MAML3: variants seen among roughly 807,000 people sequenced by gnomAD.
The protein encoded by MAML3 is mastermind like transcriptional coactivator 3.
Under a neutral mutation model 101.9 loss-of-function variants are expected in MAML3, and 27 were observed. The observed-to-expected ratio is 0.27, with a 90% CI of 0.20 to 0.37. MAML3 has a LOEUF of 0.37. MAML3 is among the 10% of genes least tolerant of loss of function. The pLI is 1.00. For synonymous variants in MAML3, 501 were observed against 555.9 expected, an observed-to-expected ratio of 0.90 and a Z score of 1.39; for missense variants, 1,316 against 1,444.9, an observed-to-expected ratio of 0.91 and a Z score of 1.45.
intron 1 of MAML3, among the ~76,000 whole-genome samples, chr4:139,976,674 T>C (rs2110801419): frequency 6.6e-6 from 1 of 152,334 alleles, no homozygotes; most frequent in East Asian, 1.9e-4. Context: ...AAGTCCTACA[T>C]TTCTGCAAAT....
chr4:139,816,028 A>T (rs1283289636), intron 2 of MAML3, among the ~76,000 whole-genome samples: 1 of 152,212 alleles, frequency 6.6e-6, no homozygotes, highest in African/African-American at 2.4e-5. Flanking sequence ...TATAATTCTA[A>T]GACTGCCAAG....
At chr4:139,777,741 A>G (rs1215244457) in intron 2 of MAML3, among the ~76,000 whole-genome samples, 4 of 152,206 alleles carry the variant, frequency 2.6e-5, no homozygotes, top group African/African-American at 4.8e-5. Flanking sequence ...CCTGCTTAAC[A>G]CTATTCAAAG....
intron 3 of MAML3, among the ~76,000 whole-genome samples, chr4:139,728,457 CTT>C (rs1728566827): frequency 6.6e-6 from 1 of 152,340 alleles, no homozygotes; most frequent in African/African-American, 2.4e-5. Context: ...TTATGTGATC[CTT>C]AAAGCAGCTA....
At chr4:139,771,969 G>A (rs1317078934) in intron 2 of MAML3, among the ~76,000 whole-genome samples, 1 of 151,448 alleles carries the variant, frequency 6.6e-6, no homozygotes, top group African/African-American at 2.4e-5. Flanking sequence ...TCCGGGCGCG[G>A]TGGCTCACGC....
intron 2 of MAML3, among the ~76,000 whole-genome samples, chr4:139,817,342 C>T (rs1028812032): frequency 2.6e-5 from 4 of 152,026 alleles, no homozygotes; most frequent in African/African-American, 7.2e-5. Flanking sequence ...ATTTTTTTTC[C>T]GTGGCTTTCA....
At chr4:139,751,680 C>G (rs1368123563) in intron 2 of MAML3, among the ~76,000 whole-genome samples, 1 of 152,176 alleles carries the variant, frequency 6.6e-6, no homozygotes, top group Non-Finnish European at 1.5e-5. Flanking sequence ...GGGTGGTACA[C>G]AGATGGGTGG....
chr4:140,153,823 C>T lies in MAML3; in HGVS notation c.-496G>A, dbSNP rs979707698. The T allele has an allele frequency of 6.4e-6, 1 of 155,314 alleles. No individual in the cohort carries two copies. The highest frequency in any genetic ancestry group is 2.4e-5 in the African/African-American group (1 of 41,522). The allele number at this position is 155,314 out of a possible 1,614,324, so 9.6% of individuals were successfully genotyped here. Reference sequence around the variant, plus strand: ...GACACACACTCACTCCACACCGCATCGGAAAACGGCAAGCTTGCTTATTGC... The same window carrying T: ...GACACACACTCACTCCACACCGCATTGGAAAACGGCAAGCTTGCTTATTGC... On this transcript the variant is annotated 5_prime_UTR_variant, in exon 1 of 5. Coordinates refer to ENST00000509479, the MANE Select transcript of MAML3 (RefSeq NM_018717.5).
intron 1 of MAML3, among the ~76,000 whole-genome samples, chr4:140,009,295 T>C (rs2048385): frequency 0.77 from 117,148 of 152,122 alleles, 46,110 homozygotes; most frequent in East Asian, 0.94. Context: ...CCACAGGCCT[T>C]GTGCTGCACA....
chr4:139,943,885 TTTTG>T (rs1733654396), intron 1 of MAML3, among the ~76,000 whole-genome samples: 1 of 141,918 alleles, frequency 7.0e-6, no homozygotes, highest in African/African-American at 2.8e-5. Flanking sequence ...TTTTTTTTTT[TTTTG>T]AGACGGAATC....
rs1307064317 is a variant in MAML3, at chr4:139,717,200, ATTAG to A, written c.*2119_*2122del. On this transcript the variant is annotated 3_prime_UTR_variant, in exon 5 of 5. Coordinates refer to ENST00000509479, the MANE Select transcript of MAML3 (RefSeq NM_018717.5). Reference sequence around the variant, plus strand: ...AAAACCACCATATTAAAATCTACCTATTAGTTGGTCCCAGTACTGAGCATTTGGA... The same window carrying A: ...AAAACCACCATATTAAAATCTACCTATTGGTCCCAGTACTGAGCATTTGGA... 2 of 152,516 alleles carry A rather than the reference ATTAG, an allele frequency of 1.3e-5. No individual in the cohort carries two copies. Among genetic ancestry groups the A allele is most frequent in the Non-Finnish European group, 2.9e-5 (2 of 68,012 alleles). 9.4% of individuals were successfully genotyped at this position (152,516 alleles called of 1,614,324 possible).
At chr4:140,007,327 TAAAAC>T (rs1279158115) in intron 1 of MAML3, among the ~76,000 whole-genome samples, 2 of 152,144 alleles carry the variant, frequency 1.3e-5, no homozygotes, top group African/African-American at 4.8e-5. Flanking sequence ...GCCTAAAATC[TAAAAC>T]AAAACAAAAC....
chr4:140,125,136 A>C (rs1728664445), intron 1 of MAML3, among the ~76,000 whole-genome samples: 1 of 152,248 alleles, frequency 6.6e-6, no homozygotes, highest in African/African-American at 2.4e-5. Context: ...ATGTTCTATT[A>C]AAAGACATGT....
At chr4:139,720,662 A>T (rs931890174) in intron 4 of MAML3, among the ~76,000 whole-genome samples, 1 of 152,238 alleles carries the variant, frequency 6.6e-6, no homozygotes, top group African/African-American at 2.4e-5. Context: ...CTTTTCCACT[A>T]AACAGATCCT....
chr4:140,066,146 C>A (rs1727533431), intron 1 of MAML3, among the ~76,000 whole-genome samples: 2 of 152,170 alleles, frequency 1.3e-5, no homozygotes, highest in South Asian at 4.1e-4. Flanking sequence ...CCAGATTAGA[C>A]CTTTGCTTTT....
At chr4:139,900,353 T>A (rs1732693220) in intron 1 of MAML3, among the ~76,000 whole-genome samples, 1 of 152,234 alleles carries the variant, frequency 6.6e-6, no homozygotes, top group Non-Finnish European at 1.5e-5. Flanking sequence ...TTTTATCCTT[T>A]AATTATGCTT....
At chr4:139,962,747 G>A (rs1195097818) in intron 1 of MAML3, among the ~76,000 whole-genome samples, 2 of 152,206 alleles carry the variant, frequency 1.3e-5, no homozygotes, top group Admixed American at 1.3e-4. Flanking sequence ...GAATGAGAGA[G>A]AGAGGCTGTT....
chr4:140,119,605 C>CCCCTCCTT (rs1560899532), intron 1 of MAML3, among the ~76,000 whole-genome samples: 1 of 108,536 alleles, frequency 9.2e-6, no homozygotes, highest in Non-Finnish European at 1.8e-5. Flanking sequence ...CTCCCTCCCT[C>CCCCTCCTT]CCTCCCTTCC....
chr4:140,140,278 C>T (rs189768062), intron 1 of MAML3, among the ~76,000 whole-genome samples: 83 of 151,916 alleles, frequency 5.5e-4, no homozygotes, highest in Middle Eastern at 3.4e-3. Flanking sequence ...GAGCGAAGAC[C>T]GCACCACTGC....
At chr4:139,758,882 A>G (rs1729702735) in intron 2 of MAML3, among the ~76,000 whole-genome samples, 1 of 152,204 alleles carries the variant, frequency 6.6e-6, no homozygotes, top group East Asian at 1.9e-4. Context: ...AATATCAATC[A>G]CACACTCAGA....
Sources: allele counts gnomAD v4.1 joint callset (sites outside exome capture counted in the v4.1 genomes callset), GRCh38; gene constraint gnomAD v4.1.1; transcripts MANE v1.5; gene names NCBI Gene and HGNC (gene_info 2026-07-23, HGNC 2026-07-21).